The following PPARG variants were observed in gnomAD, a reference collection of about 807,000 sequenced individuals.
PPARG encodes peroxisome proliferator activated receptor gamma, also known as peroxisome proliferator-activated receptor gamma.
PPARG carries 17 observed loss-of-function variants against 39.2 expected under a neutral mutation model. That is an observed-to-expected ratio of 0.43 (90% CI 0.30 to 0.65). The LOEUF is 0.65. PPARG is among the 30% of genes least tolerant of loss of function. The probability of loss-of-function intolerance (pLI) is 0.13; values close to 1 mark genes in which losing one functional copy is unlikely to be tolerated. For missense variants in PPARG, 406 were observed against 585.9 expected (o/e 0.69, Z 3.17); for synonymous variants, 223 against 215.7 (o/e 1.03, Z -0.30).
At chr3:12,290,928 C>T (rs1305804756) in intron 1 of PPARG, among the ~76,000 whole-genome samples, 1 of 152,164 alleles carries the variant, frequency 6.6e-6, no homozygotes, top group Non-Finnish European at 1.5e-5. Flanking sequence ...TTCTGGCCCA[C>T]ACTTTCACTT....
At chr3:12,422,786 G>A (rs1162744714) in intron 7 of PPARG, among the ~76,000 whole-genome samples, 1 of 151,876 alleles carries the variant, frequency 6.6e-6, no homozygotes, top group Non-Finnish European at 1.5e-5. Context: ...GGAGGCTGAG[G>A]CAGGAGGATT....
At chr3:12,390,992 G>A (rs980572220) in intron 4 of PPARG, among the ~76,000 whole-genome samples, 13 of 152,030 alleles carry the variant, frequency 8.6e-5, no homozygotes, top group Non-Finnish European at 1.8e-4. Context: ...ACCCAAAATT[G>A]AGAATAATGA....
chr3:12,299,533 G>A (rs568704854), intron 1 of PPARG, among the ~76,000 whole-genome samples: 1 of 152,198 alleles, frequency 6.6e-6, no homozygotes, highest in South Asian at 2.1e-4. Context: ...TTCTGTCTCA[G>A]TAATGAAGTG....
chr3:12,341,813 A>G (rs2048190468), intron 2 of PPARG, among the ~76,000 whole-genome samples: 1 of 148,888 alleles, frequency 6.7e-6, no homozygotes, highest in Non-Finnish European at 1.5e-5. Context: ...TGTCTCAAAA[A>G]AAGAAAAAAA....
At chr3:12,318,906 C>T (rs548873627) in intron 2 of PPARG, among the ~76,000 whole-genome samples, 65 of 151,804 alleles carry the variant, frequency 4.3e-4, no homozygotes, top group Non-Finnish European at 8.2e-4. Context: ...CAGTCCAGAT[C>T]CTGTGATCTG....
intron 5 of PPARG, among the ~76,000 whole-genome samples, chr3:12,401,714 C>T (rs1310129985): frequency 1.3e-5 from 2 of 151,706 alleles, no homozygotes; most frequent in Admixed American, 6.6e-5. Context: ...CAAATGGGAT[C>T]GATTTTTCAT....
intron 7 of PPARG, 95 bp downstream of exon 7, chr3:12,417,249 T>G: frequency 8.2e-7 from 1 of 1,214,832 alleles, no homozygotes; most frequent in Non-Finnish European, 1.2e-6. Context: ...GTCTGCATTG[T>G]CACTTTAAGT....
chr3:12,352,443 T>C (rs1394191673), intron 2 of PPARG, among the ~76,000 whole-genome samples: 1 of 152,212 alleles, frequency 6.6e-6, no homozygotes, highest in Non-Finnish European at 1.5e-5. Context: ...TTGCAAAATA[T>C]AAGTTCTCCA....
Position 12,419,697 on chromosome 3 carries a change from G to T in PPARG, c.1180+2543G>T, listed in dbSNP as rs4135287. Among the ~76,000 whole-genome samples the T allele has an allele frequency of 2.4e-3, 367 of 152,050 alleles. 1 individual carries two copies. The highest frequency in any genetic ancestry group is 4.0e-3 in the Non-Finnish European group (270 of 68,006). ...TTGGCCAGTCTGGTCTCAAACTCCT[G>T]ACCTCATGATCCACCTGCCTCAGCC... On this transcript the variant is annotated intron_variant, in intron 7 of 7. Transcript: ENST00000651735.
intron 1 of PPARG, chr3:12,305,677 T>C (rs2047043593): frequency 6.6e-6 from 1 of 152,262 alleles, no homozygotes; most frequent in Non-Finnish European, 1.5e-5. Context: ...CAACAAATAA[T>C]TGTTGCTTAA....
At chr3:12,406,583 A>G (rs887797633) in intron 6 of PPARG, 4 of 105,752 alleles carry the variant, frequency 3.8e-5, no homozygotes, top group African/African-American at 1.1e-4. Context: ...TTTGTCGCCC[A>G]GGCTGGAGTG....
At chr3:12,376,521 T>C (rs1184618092) in intron 2 of PPARG, among the ~76,000 whole-genome samples, 2 of 151,450 alleles carry the variant, frequency 1.3e-5, no homozygotes, top group Non-Finnish European at 2.9e-5. Context: ...ATCAAGAGAG[T>C]ATGTATATAC....
chr3:12,413,816 C>CAAA (rs10575755), intron 6 of PPARG, among the ~76,000 whole-genome samples: 3 of 60,984 alleles, frequency 4.9e-5, no homozygotes, highest in Admixed American at 3.5e-4. Flanking sequence ...AACTCCATCT[C>CAAA]AAAAAAAAAA....
intron 4 of PPARG, among the ~76,000 whole-genome samples, chr3:12,386,349 G>C (rs1015092775): frequency 2.0e-5 from 3 of 152,108 alleles, no homozygotes; most frequent in African/African-American, 7.2e-5. Context: ...CAAGATGCAT[G>C]CTAGGATCTG....
At chr3:12,346,306 A>C (rs1334908488) in intron 2 of PPARG, among the ~76,000 whole-genome samples, 1 of 152,252 alleles carries the variant, frequency 6.6e-6, no homozygotes, top group East Asian at 1.9e-4. Flanking sequence ...AAAAGGAAAT[A>C]GTAACTCAGG....
chr3:12,307,888 G>A (rs1485737859), intron 1 of PPARG, among the ~76,000 whole-genome samples: 1 of 152,170 alleles, frequency 6.6e-6, no homozygotes, highest in East Asian at 1.9e-4. Context: ...ACTCTCAAGA[G>A]AGGAGTTGTG....
intron 5 of PPARG, among the ~76,000 whole-genome samples, chr3:12,400,922 A>C (rs2050448415): frequency 6.6e-6 from 1 of 152,220 alleles, no homozygotes; most frequent in Admixed American, 6.5e-5. Flanking sequence ...CTGAAACTAG[A>C]AATTAAGCTT....
At chr3:12,406,279 G>A (rs777823625) in intron 6 of PPARG, 198 bp downstream of exon 6, 1 of 638,450 alleles carries the variant, frequency 1.6e-6, no homozygotes, top group Admixed American at 2.7e-5. Context: ...TTTTGAAAAG[G>A]GAGAAAAGTC....
At chr3:12,395,640 G>A (rs2050231402) in intron 5 of PPARG, among the ~76,000 whole-genome samples, 2 of 152,202 alleles carry the variant, frequency 1.3e-5, no homozygotes, top group South Asian at 2.1e-4. Flanking sequence ...AAGTACCCAG[G>A]TGATGGACTG....
Sources: gnomAD v4.1 joint callset for allele counts (sites outside exome capture counted in the v4.1 genomes callset) on GRCh38, gnomAD v4.1.1 for gene constraint, MANE v1.5 for transcripts, NCBI Gene and HGNC (gene_info 2026-07-23, HGNC 2026-07-21) for gene names.